Variants in ATP6V1C2 observed in about 807,000 individuals in gnomAD.
ATP6V1C2 encodes V-type proton ATPase subunit C 2.
ATP6V1C2 carries 45 observed loss-of-function variants against 56.8 expected under a neutral mutation model. The ratio of observed to expected loss-of-function variants is 0.79; its 90% CI spans 0.62 to 1.02. The LOEUF (loss-of-function observed/expected upper bound fraction) is 1.02, where lower values mean the gene tolerates loss of function less well. Ranked by LOEUF, ATP6V1C2 falls within the 50% of genes least tolerant of loss-of-function variation. The pLI is 0.00. For missense variants in ATP6V1C2, 463 were observed against 519.7 expected (o/e 0.89, Z 1.06); for synonymous variants, 220 against 201.3 (o/e 1.09, Z -0.79).
intron 3 of ATP6V1C2, among the ~76,000 whole-genome samples, chr2:10,750,587 C>T (rs1380562598): frequency 2.6e-5 from 4 of 151,858 alleles, no homozygotes; most frequent in African/African-American, 4.8e-5. Flanking sequence ...ACTAAACAGT[C>T]ATTAGCAAAA....
At position 10,759,325 on chromosome 2, in the gene ATP6V1C2, A is replaced by G. The variant is rs1401188889; in HGVS notation, c.284-5006A>G. Among the ~76,000 whole-genome samples the G allele has an allele frequency of 1.4e-4, 22 of 152,182 alleles. No homozygotes were observed. The South Asian group carries it at 4.6e-3, about 32-fold the overall frequency. On this transcript the variant is annotated intron_variant, in intron 4 of 13. Coordinates refer to ENST00000272238, the MANE Select transcript of ATP6V1C2 (RefSeq NM_001039362.2). ...GATTGCAGCCACAGCTGGCAAACACACCTTGCCCGGCCTGGGCCCTGGAAT... is the reference window on the plus strand; with the variant it reads ...GATTGCAGCCACAGCTGGCAAACACGCCTTGCCCGGCCTGGGCCCTGGAAT...
At position 10,782,271 on chromosome 2, in the gene ATP6V1C2, G is replaced by A; in HGVS notation, c.1090G>A (p.Val364Met). 6.2e-7 allele frequency: 1 copy of A among 1,614,212 alleles called. No homozygotes were observed. Residue 364 changes from valine (V) to methionine (M), a missense_variant, in exon 13 of 14, where the codon GTG becomes ATG. Val to Met is a conservative substitution (Grantham distance 21). Transcript: ENST00000272238. ...RYGLPVNFQA[V>M]LLQPHKKSST... The stretch of plus-strand genomic sequence containing the variant: ...TGGACTACCAGTGAACTTCCAGGCA[G>A]TGCTCCTGCAGCCGCATAAGAAGTC...
chr2:10,747,056 G>T (rs1474173367), intron 3 of ATP6V1C2, among the ~76,000 whole-genome samples: 1 of 152,182 alleles, frequency 6.6e-6, no homozygotes, highest in Non-Finnish European at 1.5e-5. Flanking sequence ...ATCACTTGAG[G>T]TTGTGAGTTC....
chr2:10,747,473 C>T (rs959787802), intron 3 of ATP6V1C2, among the ~76,000 whole-genome samples: 13 of 152,160 alleles, frequency 8.5e-5, no homozygotes, highest in Non-Finnish European at 4.4e-5. Flanking sequence ...AGGACATCCT[C>T]TTATATAACT....
chr2:10,758,663 T>G (rs1478165542), intron 4 of ATP6V1C2, among the ~76,000 whole-genome samples: 1 of 152,108 alleles, frequency 6.6e-6, no homozygotes. Context: ...GACCTTTTTT[T>G]TTTTTTCTTT....
intron 3 of ATP6V1C2, among the ~76,000 whole-genome samples, chr2:10,733,755 G>A (rs1662095910): frequency 7.3e-6 from 1 of 137,102 alleles, no homozygotes; most frequent in African/African-American, 2.9e-5. Context: ...GGCGGTCAGC[G>A]GGACCTCAGC....
At position 10,748,766 on chromosome 2, in the gene ATP6V1C2, GCTCT is replaced by G. The variant is rs530480475; in HGVS notation, c.198-5212_198-5209del. ...AGTTTACTGTGTAGGGTGACCTTTA[GCTCT>G]CTGAGTCTTAATTTTTTTCATCTCT... On this transcript the variant is annotated intron_variant, in intron 3 of 13. Transcript: ENST00000272238. Among the ~76,000 whole-genome samples the G allele has an allele frequency of 5.3e-5, 8 of 152,160 alleles. No homozygotes were observed. The East Asian group carries it at 1.5e-3, about 29-fold the overall frequency.
At chr2:10,765,094 G>A (rs1428499589) in intron 5 of ATP6V1C2, among the ~76,000 whole-genome samples, 2 of 152,182 alleles carry the variant, frequency 1.3e-5, no homozygotes, top group Non-Finnish European at 2.9e-5. Context: ...TTTAAGTGGA[G>A]AGTTTGGCCT....
intron 3 of ATP6V1C2, among the ~76,000 whole-genome samples, chr2:10,750,841 C>T (rs760963033): frequency 1.3e-5 from 2 of 152,196 alleles, no homozygotes; most frequent in Admixed American, 6.5e-5. Context: ...AAAATAGGAG[C>T]TCCGAAAGAG....
At chr2:10,721,322 G>C (rs1210499765), upstream of ATP6V1C2, among the ~76,000 whole-genome samples, 1 of 152,112 alleles carries the variant, frequency 6.6e-6, no homozygotes, top group Non-Finnish European at 1.5e-5. Flanking sequence ...CCCGAGCTCA[G>C]AGCCTTTTCC....
intron 5 of ATP6V1C2, among the ~76,000 whole-genome samples, chr2:10,767,121 C>A (rs1056739013): frequency 6.9e-6 from 1 of 144,660 alleles, no homozygotes; most frequent in Non-Finnish European, 1.5e-5. Flanking sequence ...AAAATCATCA[C>A]TTTATCTTTA....
chr2:10,782,070 C>G (rs903977005), intron 12 of ATP6V1C2, among the ~76,000 whole-genome samples, 173 bp from the exon 13 acceptor site: 2 of 151,508 alleles, frequency 1.3e-5, no homozygotes, highest in African/African-American at 4.8e-5. Flanking sequence ...AATTCTAGAG[C>G]TTTTTCTATC....
In ATP6V1C2 at chr2:10,784,329, G is replaced by A; in HGVS notation, c.*1066G>A. 3.7e-6 allele frequency: 6 copies of A among 1,611,814 alleles called. No individual in the cohort carries two copies. In the South Asian group the frequency reaches 5.5e-5, roughly 15 times the overall value. On this transcript the variant is annotated 3_prime_UTR_variant, in exon 14 of 14. Transcript: ENST00000272238. ...TCAATGTCATCCTCCACGGGAAGCT[G>A]GGAGACGACAGAAAGCCACTGTTAG... is the stretch of plus-strand genomic sequence containing the variant.
At position 10,782,829 on chromosome 2, in the gene ATP6V1C2, C is replaced by CAAAAA. The variant is rs60533807; in HGVS notation, c.1195-315_1195-311dup. Among the ~76,000 whole-genome samples the CAAAAA allele has an allele frequency of 3.0e-3, 155 of 52,220 alleles. 6 individuals carry two copies. Among genetic ancestry groups the CAAAAA allele is most frequent in the African/African-American group, 7.1e-3 (113 of 15,850 alleles). 34.3% of individuals were successfully genotyped at this position (52,220 alleles called of 152,430 possible). On this transcript the variant is annotated intron_variant, in intron 13 of 13. Transcript: ENST00000272238. ...CTGGCGACAGAACAAGACTCTGTCT[C>CAAAAA]AAAAAAAAAAAAAAAAAAAAAAAAA... is the stretch of plus-strand genomic sequence containing the variant.
At chr2:10,779,279 A>G (rs1186632787) in intron 12 of ATP6V1C2, among the ~76,000 whole-genome samples, 6 of 150,568 alleles carry the variant, frequency 4.0e-5, no homozygotes, top group Non-Finnish European at 8.9e-5. Context: ...TAATTTTTTT[A>G]TATTTTTAGT....
chr2:10,741,091 G>T (rs982323383), intron 3 of ATP6V1C2, among the ~76,000 whole-genome samples: 2 of 152,160 alleles, frequency 1.3e-5, no homozygotes, highest in South Asian at 4.1e-4. Flanking sequence ...AGTGACAAGA[G>T]TAACTTTGCT....
rs1664383293 is a variant in ATP6V1C2, at chr2:10,768,663, TC to T, written c.379-55del. 11 of 1,471,264 alleles carry T rather than the reference TC, an allele frequency of 7.5e-6. No individual in the cohort carries two copies. In the Admixed American group the frequency reaches 1.7e-4, roughly 23 times the overall value. The allele number at this position is 1,471,264 out of a possible 1,614,324, so 91.1% of individuals were successfully genotyped here. A position where few individuals can be genotyped will look rare whatever the true frequency, so the allele number is the denominator to read the frequency against. The stretch of plus-strand genomic sequence containing the variant: ...AGCTGTTGTGGCCATTTCAAAAAGT[TC>T]AGCCAACTCCTTCAATGCTCAGGGT... On this transcript the variant is annotated intron_variant, in intron 5 of 13. Coordinates refer to ENST00000272238, the MANE Select transcript of ATP6V1C2 (RefSeq NM_001039362.2).
chr2:10,747,280 GAAA>G (rs1180600830), intron 3 of ATP6V1C2, among the ~76,000 whole-genome samples: 2 of 151,532 alleles, frequency 1.3e-5, no homozygotes, highest in African/African-American at 4.8e-5. Flanking sequence ...AAAAAAGAAA[GAAA>G]AAAAAGAAAA....
chr2:10,729,478 T>C (rs1661839153), intron 3 of ATP6V1C2, among the ~76,000 whole-genome samples: 1 of 152,190 alleles, frequency 6.6e-6, no homozygotes, highest in South Asian at 2.1e-4. Context: ...GCCATCCAAA[T>C]ATAACTATTA....
Sources: allele counts gnomAD v4.1 joint callset (sites outside exome capture counted in the v4.1 genomes callset), GRCh38; gene constraint gnomAD v4.1.1; transcripts MANE v1.5; gene names NCBI Gene and HGNC (gene_info 2026-07-23, HGNC 2026-07-21).